R3HDM1: variants seen among roughly 807,000 people sequenced by gnomAD.
The protein encoded by R3HDM1 is R3H domain-containing protein 1.
A neutral mutation model predicts 141.1 loss-of-function variants in R3HDM1; 46 were observed. That is an observed-to-expected ratio of 0.33 (90% CI 0.26 to 0.42). The LOEUF (loss-of-function observed/expected upper bound fraction) is 0.42, where lower values mean the gene tolerates loss of function less well. Among genes scored for constraint, R3HDM1 ranks in the 10% least tolerant of loss-of-function variants. The pLI is 1.00. For missense variants in R3HDM1, 1,184 were observed against 1,368.3 expected, an observed-to-expected ratio of 0.87 and a Z score of 2.12; for synonymous variants, 435 against 472.9, an observed-to-expected ratio of 0.92 and a Z score of 1.04.
chr2:135,668,755 T>TG (rs2067897294), intron 19 of R3HDM1, among the ~76,000 whole-genome samples: 1 of 152,224 alleles, frequency 6.6e-6, no homozygotes, highest in Admixed American at 6.5e-5. Flanking sequence ...GGCACTGCCC[T>TG]GCTGAGTAAA....
intron 19 of R3HDM1, among the ~76,000 whole-genome samples, chr2:135,664,506 G>T (rs1187170786): frequency 6.6e-6 from 1 of 152,144 alleles, no homozygotes; most frequent in Non-Finnish European, 1.5e-5. Flanking sequence ...AAATTAACAA[G>T]CCCAACTGAG....
chr2:135,711,608 T>G lies in R3HDM1; in HGVS notation c.2736+1377T>G, dbSNP rs1002298492. ...CCAGGAGTTCAAGGCTGCAGTGAGC[T>G]ATGATCATGCCACTGCGCTGCCCCC... is the stretch of plus-strand genomic sequence containing the variant. On this transcript the variant is annotated intron_variant, in intron 23 of 26. Coordinates refer to ENST00000683871, the MANE Select transcript of R3HDM1 (RefSeq NM_001378107.1). Among the ~76,000 whole-genome samples the G allele has an allele frequency of 4.8e-5, 7 of 146,256 alleles. No homozygotes were observed. The Admixed American group carries it at 5.0e-4, about 10-fold the overall frequency.
intron 1 of R3HDM1, chr2:135,590,694 G>A (rs1709060011): frequency 1.0e-6 from 1 of 985,264 alleles, no homozygotes; most frequent in Non-Finnish European, 1.2e-6. Flanking sequence ...GAGATTGTGA[G>A]CTTTTTAGCA....
chr2:135,662,985 C>A (rs1358608567), intron 19 of R3HDM1, among the ~76,000 whole-genome samples: 3 of 151,930 alleles, frequency 2.0e-5, no homozygotes, highest in Admixed American at 2.0e-4. Context: ...ATAAGGCAAG[C>A]AAAAATCCTT....
intron 1 of R3HDM1, among the ~76,000 whole-genome samples, chr2:135,585,969 A>G (rs1239805164): frequency 2.6e-5 from 4 of 152,218 alleles, no homozygotes; most frequent in Admixed American, 2.0e-4. Flanking sequence ...GCCTTTTTTT[A>G]AGGCTTTTTG....
At chr2:135,601,451 C>G (rs2059614020) in intron 1 of R3HDM1, among the ~76,000 whole-genome samples, 1 of 152,086 alleles carries the variant, frequency 6.6e-6, no homozygotes, top group Admixed American at 6.6e-5. Flanking sequence ...GGTATTAGGT[C>G]TCTTGGTGCT....
chr2:135,600,922 CCT>C (rs2059574356), intron 1 of R3HDM1, among the ~76,000 whole-genome samples: 1 of 152,142 alleles, frequency 6.6e-6, no homozygotes, highest in African/African-American at 2.4e-5. Context: ...AAGGTGTTCA[CCT>C]CTTCGGTTTT....
At chr2:135,697,377 A>G (rs527463700) in intron 21 of R3HDM1, among the ~76,000 whole-genome samples, 2 of 152,362 alleles carry the variant, frequency 1.3e-5, no homozygotes, top group Admixed American at 1.3e-4. Flanking sequence ...GTTAAAATAT[A>G]TACTAGCTGG....
At chr2:135,712,206 C>T (rs2075723620) in intron 23 of R3HDM1, among the ~76,000 whole-genome samples, 1 of 151,978 alleles carries the variant, frequency 6.6e-6, no homozygotes, top group African/African-American at 2.4e-5. Context: ...GAAAAGGTTA[C>T]CCTCTGACAC....
chr2:135,553,925 G>A (rs1700268130), intron 1 of R3HDM1, among the ~76,000 whole-genome samples: 1 of 152,002 alleles, frequency 6.6e-6, no homozygotes, highest in South Asian at 2.1e-4. Flanking sequence ...TCTGACCTCA[G>A]CTGATCCGCC....
rs1190685768 is a variant in R3HDM1, at chr2:135,641,637, C to G, written c.1321C>G (p.Pro441Ala). The change falls in exon 15 of 27, where the codon CCT becomes GCT. Residue 441 changes from proline (P) to alanine (A), a missense_variant. Around this residue, in one of 5 missense-constraint regions of R3HDM1, gnomAD observed 240 missense variants for 312.3 expected, o/e 0.77. Transcript: ENST00000683871. ...TCTCAGCCAGTCTTCTCATGGCGCA[C>G]CTGTCGTCTATCCAACTGTCAGCAC... ...TALSQSSHGA[P>A]VVYPTVSTHS... 1.2e-6 allele frequency: 2 copies of G among 1,614,054 alleles called. No homozygotes were observed. Among genetic ancestry groups the G allele is most frequent in the Non-Finnish European group, 1.7e-6 (2 of 1,180,048 alleles).
At chr2:135,708,671 C>T (rs923039035) in intron 21 of R3HDM1, among the ~76,000 whole-genome samples, 11 of 152,228 alleles carry the variant, frequency 7.2e-5, no homozygotes, top group South Asian at 2.1e-4. Context: ...GTCTGAAAGA[C>T]TGCTCAGGCC....
intron 1 of R3HDM1, among the ~76,000 whole-genome samples, chr2:135,541,868 A>AAAG (rs3074517): frequency 0.065 from 9,252 of 143,208 alleles, 423 homozygotes; most frequent in South Asian, 0.21. Flanking sequence ...AAAAAAAAAA[A>AAAG]AAAGAAAGAA....
At chr2:135,720,884 C>A (rs776919697) in intron 24 of R3HDM1, among the ~76,000 whole-genome samples, 89 of 152,260 alleles carry the variant, frequency 5.8e-4, no homozygotes, top group South Asian at 1.9e-3. Context: ...TTCTTCCTTC[C>A]TCTGAAAGGT....
intron 18 of R3HDM1, among the ~76,000 whole-genome samples, chr2:135,660,072 G>A (rs2066492638): frequency 6.6e-6 from 1 of 152,212 alleles, no homozygotes; most frequent in Non-Finnish European, 1.5e-5. Context: ...AGTGGATAAA[G>A]TAGTTTATAC....
At chr2:135,597,546 G>A (rs1026334977) in intron 1 of R3HDM1, among the ~76,000 whole-genome samples, 1 of 152,194 alleles carries the variant, frequency 6.6e-6, no homozygotes, top group African/African-American at 2.4e-5. Flanking sequence ...TATAACCTCA[G>A]GGAGAACTTG....
chr2:135,668,140 G>T (rs948879784), intron 19 of R3HDM1, among the ~76,000 whole-genome samples: 1 of 152,062 alleles, frequency 6.6e-6, no homozygotes, highest in South Asian at 2.1e-4. Context: ...AGAATGATGT[G>T]GGCTTTTTTG....
In R3HDM1 at chr2:135,626,209, G is replaced by GTGCTTGCTTGCTTGCTTGCT. The variant is rs56860646; in HGVS notation, c.497+3498_497+3517dup. Among the ~76,000 whole-genome samples the GTGCTTGCTTGCTTGCTTGCT allele has an allele frequency of 2.3e-3, 323 of 143,438 alleles. 2 individuals carry two copies. Among genetic ancestry groups the GTGCTTGCTTGCTTGCTTGCT allele is most frequent in the African/African-American group, 9.0e-3 (307 of 34,196 alleles). The allele number at this position is 143,438 out of a possible 152,430, so 94.1% of individuals were successfully genotyped here. On this transcript the variant is annotated intron_variant, in intron 7 of 26. Transcript: ENST00000683871. The stretch of plus-strand genomic sequence containing the variant: ...CGTGCGTGCGTGCGTGCGTGCGTGC[G>GTGCTTGCTTGCTTGCTTGCT]TGCTTGCTTGCTTGCTTGCTTGCTT...
At chr2:135,587,074 A>G (rs981552481) in intron 1 of R3HDM1, 8 of 770,318 alleles carry the variant, frequency 1.0e-5, no homozygotes, top group African/African-American at 3.8e-5. Flanking sequence ...TGTCATTGCT[A>G]TGATTAACAT....
Sources: allele counts gnomAD v4.1 joint callset (sites outside exome capture counted in the v4.1 genomes callset), GRCh38; gene constraint gnomAD v4.1.1; regional missense constraint gnomAD v4.1.1; transcripts MANE v1.5; gene names NCBI Gene and HGNC (gene_info 2026-07-23, HGNC 2026-07-21).